Variants in DAB1 observed in about 807,000 individuals in gnomAD.
The protein encoded by DAB1 is DAB adaptor protein 1, also known as disabled homolog 1.
A neutral mutation model predicts 64.6 loss-of-function variants in DAB1; 15 were observed. The observed-to-expected ratio is 0.23, with a 90% CI of 0.16 to 0.36. The LOEUF (loss-of-function observed/expected upper bound fraction) is 0.36. Among genes scored for constraint, DAB1 ranks in the 10% least tolerant of loss-of-function variants. The pLI is 1.00. For synonymous variants in DAB1, 235 were observed against 251.9 expected (o/e 0.93, Z 0.64); for missense variants, 596 against 706.7 (o/e 0.84, Z 1.78).
intron 3 of DAB1, among the ~76,000 whole-genome samples, chr1:58,503,304 T>G (rs1375908200): frequency 6.6e-6 from 1 of 152,180 alleles, no homozygotes; most frequent in Non-Finnish European, 1.5e-5. Flanking sequence ...CAAAGGACCC[T>G]CTTATAGTCA....
At chr1:57,818,700 G>A (rs1332803398) in intron 6 of DAB1, among the ~76,000 whole-genome samples, 1 of 151,204 alleles carries the variant, frequency 6.6e-6, no homozygotes, top group Non-Finnish European at 1.5e-5. Context: ...AGTATGTGAT[G>A]TAGCTTAAAC....
At chr1:58,263,395 T>C (rs970310858) in intron 4 of DAB1, among the ~76,000 whole-genome samples, 1 of 152,130 alleles carries the variant, frequency 6.6e-6, no homozygotes, top group Admixed American at 6.5e-5. Flanking sequence ...TCACTTCTAG[T>C]GATCCTTTTC....
chr1:57,639,756 C>CT (rs1646105504), intron 7 of DAB1, among the ~76,000 whole-genome samples: 1 of 152,050 alleles, frequency 6.6e-6, no homozygotes. Flanking sequence ...TGCTTACAGT[C>CT]TAATGTACTG....
chr1:57,174,832 A>G (rs1662132269), intron 2 of DAB1, among the ~76,000 whole-genome samples: 1 of 152,118 alleles, frequency 6.6e-6, no homozygotes, highest in Non-Finnish European at 1.5e-5. Flanking sequence ...TCTGTTCCCA[A>G]ATTTGTTTAT....
intron 7 of DAB1, among the ~76,000 whole-genome samples, chr1:57,560,294 T>G (rs1276485461): frequency 6.6e-6 from 1 of 152,230 alleles, no homozygotes; most frequent in African/African-American, 2.4e-5. Context: ...CACTGGTCCA[T>G]TACATTGATG....
At chr1:57,082,283 A>G (rs113288210) in intron 4 of DAB1, among the ~76,000 whole-genome samples, 1 of 152,184 alleles carries the variant, frequency 6.6e-6, no homozygotes, top group African/African-American at 2.4e-5. Flanking sequence ...GAACAGGAGA[A>G]GTCAAGGTAC....
At chr1:57,116,480 A>AAAAGG (rs1553144212) in intron 4 of DAB1, among the ~76,000 whole-genome samples, 3 of 131,232 alleles carry the variant, frequency 2.3e-5, no homozygotes, top group Non-Finnish European at 4.7e-5. Context: ...AAAAAAAAAA[A>AAAAGG]AAAGAAAGAA....
chr1:57,013,224 C>T (rs1646318854), intron 12 of DAB1, among the ~76,000 whole-genome samples: 1 of 152,202 alleles, frequency 6.6e-6, no homozygotes, highest in Admixed American at 6.5e-5. Flanking sequence ...TTGTTTATTT[C>T]ATTCTCTATA....
At chr1:58,531,125 G>A (rs372954958) in intron 1 of DAB1, among the ~76,000 whole-genome samples, 13 of 152,080 alleles carry the variant, frequency 8.5e-5, no homozygotes, top group Non-Finnish European at 8.8e-5. Context: ...AATCAAACCC[G>A]GTCAGTTTTA....
At chr1:57,539,088 ATTCAGGGGATGC>A (rs1644765268) in intron 7 of DAB1, among the ~76,000 whole-genome samples, 1 of 152,204 alleles carries the variant, frequency 6.6e-6, no homozygotes. Context: ...GTTCTCAAAT[ATTCAGGGGATGC>A]TTCAGTTTTC....
chr1:58,272,624 G>T (rs1047944494), intron 4 of DAB1, among the ~76,000 whole-genome samples: 3 of 130,860 alleles, frequency 2.3e-5, no homozygotes, highest in African/African-American at 8.6e-5. Flanking sequence ...TGACAGTGGG[G>T]TGTTAAAGTC....
chr1:57,283,308 G>A (rs985573648), intron 2 of DAB1, among the ~76,000 whole-genome samples: 1 of 152,160 alleles, frequency 6.6e-6, no homozygotes, highest in African/African-American at 2.4e-5. Context: ...TCCATTTGAA[G>A]AGGGACAAGT....
chr1:58,105,820 C>T (rs1460342139), intron 5 of DAB1, among the ~76,000 whole-genome samples: 1 of 152,186 alleles, frequency 6.6e-6, no homozygotes, highest in African/African-American at 2.4e-5. Flanking sequence ...TCCAAAAAGG[C>T]AATTCTGAGC....
At chr1:57,313,206 G>A (rs1009495509) in intron 1 of DAB1, among the ~76,000 whole-genome samples, 5 of 152,124 alleles carry the variant, frequency 3.3e-5, no homozygotes, top group African/African-American at 4.8e-5. Flanking sequence ...GGTATGGCAG[G>A]AAAATAGCAC....
In DAB1 at chr1:58,227,225, C is replaced by A. The variant is rs72910424; in HGVS notation, n.310-76637G>T. 4.7e-3 allele frequency among the ~76,000 whole-genome samples: 712 copies of A among 152,240 alleles called. 10 individuals are homozygous for A. The highest frequency in any genetic ancestry group is 0.016 in the African/African-American group (675 of 41,540). Reference sequence around the variant, plus strand: ...AAGGTTCAAAGAAGGAAATGGGAGGCAACAGAGCCAAATAACCAACTCTAG... The same window carrying A: ...AAGGTTCAAAGAAGGAAATGGGAGGAAACAGAGCCAAATAACCAACTCTAG... On this transcript the variant is annotated intron_variant and non_coding_transcript_variant, in intron 4 of 20. Transcript: ENST00000485760.
chr1:57,927,884 C>A (rs1200044630), intron 5 of DAB1, among the ~76,000 whole-genome samples: 1 of 152,298 alleles, frequency 6.6e-6, no homozygotes, highest in Admixed American at 6.5e-5. Flanking sequence ...ACACTCACTA[C>A]TAAATATTTT....
At chr1:58,092,332 C>CA (rs34905465) in intron 5 of DAB1, among the ~76,000 whole-genome samples, 4,649 of 128,210 alleles carry the variant, frequency 0.036, 204 homozygotes, top group African/African-American at 0.11. Context: ...GACTCCGTCT[C>CA]AAAAAAAAAA....
intron 1 of DAB1, among the ~76,000 whole-genome samples, chr1:57,833,649 A>C (rs1291879040): frequency 6.6e-6 from 1 of 152,236 alleles, no homozygotes; most frequent in African/African-American, 2.4e-5. Flanking sequence ...AAATAAAAAT[A>C]GTTGGTGAAT....
chr1:58,467,129 G>A (rs1018249738), intron 3 of DAB1, among the ~76,000 whole-genome samples: 3 of 152,176 alleles, frequency 2.0e-5, no homozygotes, highest in African/African-American at 7.2e-5. Flanking sequence ...CAAATTCACT[G>A]AGCCTTAGTT....
Sources: gnomAD v4.1 joint callset for allele counts (sites outside exome capture counted in the v4.1 genomes callset) on GRCh38, gnomAD v4.1.1 for gene constraint, MANE v1.5 for transcripts, NCBI Gene and HGNC (gene_info 2026-07-23, HGNC 2026-07-21) for gene names.